Variants in ARHGAP10 observed in about 807,000 individuals in gnomAD.
ARHGAP10 encodes Rho GTPase activating protein 10, also known as rho GTPase-activating protein 10.
Under a neutral mutation model 108.6 loss-of-function variants are expected in ARHGAP10, and 87 were observed. The observed-to-expected ratio is 0.80, with a 90% CI of 0.67 to 0.96. The LOEUF (loss-of-function observed/expected upper bound fraction) is 0.96, where lower values mean the gene tolerates loss of function less well. ARHGAP10 is among the 40% of genes least tolerant of loss of function. The probability of loss-of-function intolerance (pLI) is 0.00; values close to 1 mark genes in which losing one functional copy is unlikely to be tolerated. For synonymous variants in ARHGAP10, 347 were observed against 341.1 expected (o/e 1.02, Z -0.19); for missense variants, 939 against 954.5 (o/e 0.98, Z 0.21).
chr4:147,794,353 T>C lies in ARHGAP10; in HGVS notation c.155-28374T>C, dbSNP rs529467812. Among the ~76,000 whole-genome samples, 266 of 152,364 alleles carry C rather than the reference T, an allele frequency of 1.7e-3. 2 individuals carry two copies. The highest frequency in any genetic ancestry group is 6.2e-3 in the African/African-American group (258 of 41,576). ...ACATTTTATGTCAATCTTTGCAACA[T>C]AATGTTAATTCTCACAACATTCCTA... On this transcript the variant is annotated intron_variant, in intron 1 of 22. Transcript: ENST00000336498.
At chr4:147,735,218 G>C (rs1728369766) in intron 1 of ARHGAP10, among the ~76,000 whole-genome samples, 1 of 152,208 alleles carries the variant, frequency 6.6e-6, no homozygotes, top group South Asian at 2.1e-4. Flanking sequence ...TGAGTTTACT[G>C]TCCTGTAGTT....
At chr4:147,936,311 T>TC in intron 13 of ARHGAP10, among the ~76,000 whole-genome samples, 1 of 138,656 alleles carries the variant, frequency 7.2e-6, no homozygotes. Context: ...GGCCTCCTTT[T>TC]CCTCTCTTTT....
At chr4:148,027,389 C>T (rs1246262364) in intron 19 of ARHGAP10, among the ~76,000 whole-genome samples, 3 of 152,178 alleles carry the variant, frequency 2.0e-5, no homozygotes, top group South Asian at 2.1e-4. Context: ...TGGGTATCGT[C>T]GGGTTGGCAC....
At chr4:147,889,623 G>A (rs951398896) in intron 10 of ARHGAP10, among the ~76,000 whole-genome samples, 3 of 151,984 alleles carry the variant, frequency 2.0e-5, no homozygotes, top group Admixed American at 2.0e-4. Flanking sequence ...CCTTCTTATA[G>A]CAATTTCTCA....
chr4:147,819,453 C>T (rs1054964889), intron 1 of ARHGAP10, among the ~76,000 whole-genome samples: 1 of 151,972 alleles, frequency 6.6e-6, no homozygotes, highest in African/African-American at 2.4e-5. Context: ...AAATTATAAG[C>T]CCACAAACTA....
At chr4:147,874,617 AGATT>A (rs1734986882) in intron 7 of ARHGAP10, among the ~76,000 whole-genome samples, 2 of 152,376 alleles carry the variant, frequency 1.3e-5, no homozygotes, top group East Asian at 1.9e-4. Flanking sequence ...GTAACAAAAC[AGATT>A]GATTGAGTCA....
chr4:147,785,905 A>C (rs1730871251), intron 1 of ARHGAP10, among the ~76,000 whole-genome samples: 2 of 152,178 alleles, frequency 1.3e-5, no homozygotes, highest in Admixed American at 6.6e-5. Context: ...CTATTTTCAT[A>C]ATTTGTCACC....
At chr4:148,007,240 A>G (rs1740986391) in intron 18 of ARHGAP10, among the ~76,000 whole-genome samples, 1 of 152,206 alleles carries the variant, frequency 6.6e-6, no homozygotes, top group Non-Finnish European at 1.5e-5. Flanking sequence ...TCGGAAAGAG[A>G]TAATCAGAAT....
At chr4:147,978,354 A>C (rs1578753121) in intron 18 of ARHGAP10, among the ~76,000 whole-genome samples, 1 of 152,096 alleles carries the variant, frequency 6.6e-6, no homozygotes, top group African/African-American at 2.4e-5. Flanking sequence ...GACTTTTTAA[A>C]TAATCGCCAT....
intron 3 of ARHGAP10, among the ~76,000 whole-genome samples, chr4:147,833,026 G>C (rs1733016445): frequency 6.6e-6 from 1 of 152,162 alleles, no homozygotes; most frequent in African/African-American, 2.4e-5. Context: ...GGAAGTGCTG[G>C]TATCAGTATC....
intron 4 of ARHGAP10, among the ~76,000 whole-genome samples, chr4:147,852,729 TTA>T (rs146864918): frequency 0.83 from 88,282 of 105,882 alleles, 37,521 homozygotes; most frequent in East Asian, 0.94. Flanking sequence ...TTTTTTTTTT[TTA>T]AAATGGAGCG....
intron 15 of ARHGAP10, among the ~76,000 whole-genome samples, chr4:147,954,553 C>T (rs1294848459): frequency 6.6e-6 from 1 of 151,906 alleles, no homozygotes; most frequent in African/African-American, 2.4e-5. Context: ...TTCTGAGTTA[C>T]AGGATTGTAA....
chr4:147,759,447 G>A (rs1257694110), intron 1 of ARHGAP10, among the ~76,000 whole-genome samples: 2 of 152,130 alleles, frequency 1.3e-5, no homozygotes, highest in Admixed American at 6.6e-5. Flanking sequence ...AATGGCATGT[G>A]CCTGTAGTAC....
chr4:148,020,171 T>C (rs543039183), intron 18 of ARHGAP10, among the ~76,000 whole-genome samples: 3 of 152,312 alleles, frequency 2.0e-5, no homozygotes, highest in African/African-American at 7.2e-5. Context: ...ATAGAGCTTA[T>C]TGAGGGTGTG....
At chr4:148,043,790 A>ATATATATGTATATATATATGTG (rs1728760506) in intron 19 of ARHGAP10, among the ~76,000 whole-genome samples, 2 of 146,056 alleles carry the variant, frequency 1.4e-5, no homozygotes, top group South Asian at 2.1e-4. Context: ...ATATATATGT[A>ATATATATGTATATATATATGTG]TATATATATG....
intron 4 of ARHGAP10, among the ~76,000 whole-genome samples, chr4:147,853,196 A>G (rs542088816): frequency 5.3e-5 from 8 of 152,272 alleles, no homozygotes; most frequent in African/African-American, 1.9e-4. Flanking sequence ...TGGTGAACTG[A>G]CCTAAGAGAT....
intron 4 of ARHGAP10, among the ~76,000 whole-genome samples, chr4:147,848,402 T>TC (rs1733721078): frequency 6.6e-6 from 1 of 152,246 alleles, no homozygotes; most frequent in African/African-American, 2.4e-5. Context: ...AGCTGGGTTG[T>TC]CCCCTCTGGC....
intron 18 of ARHGAP10, among the ~76,000 whole-genome samples, chr4:148,002,904 C>G (rs1178019600): frequency 6.6e-6 from 1 of 151,930 alleles, no homozygotes; most frequent in Non-Finnish European, 1.5e-5. Context: ...TTTTTTGTGT[C>G]TCTATCTCCT....
At chr4:147,869,996 G>GTTT (rs10644018) in intron 7 of ARHGAP10, among the ~76,000 whole-genome samples, 112 of 131,490 alleles carry the variant, frequency 8.5e-4, no homozygotes, top group Non-Finnish European at 1.4e-3. Flanking sequence ...AAAAGTCCCA[G>GTTT]TTTGTGTGTG....
Sources: gnomAD v4.1 joint callset for allele counts (sites outside exome capture counted in the v4.1 genomes callset) on GRCh38, gnomAD v4.1.1 for gene constraint, MANE v1.5 for transcripts, NCBI Gene and HGNC (gene_info 2026-07-23, HGNC 2026-07-21) for gene names.